Variants in CADM2 observed in about 807,000 individuals in gnomAD.
The protein encoded by CADM2 is immunoglobulin superfamily member 4D.
A neutral mutation model predicts 49.8 loss-of-function variants in CADM2; 12 were observed. The ratio of observed to expected loss-of-function variants is 0.24; its 90% CI spans 0.15 to 0.39. CADM2 has a LOEUF of 0.39. Ranked by LOEUF, CADM2 falls within the 10% of genes least tolerant of loss-of-function variation. The probability of loss-of-function intolerance (pLI) is 1.00; values close to 1 mark genes in which losing one functional copy is unlikely to be tolerated. For missense variants in CADM2, 378 were observed against 492.3 expected (o/e 0.77, Z 2.20); for synonymous variants, 214 against 175.4 (o/e 1.22, Z -1.74).
At chr3:85,221,911 T>C (rs566206312) in intron 1 of CADM2, among the ~76,000 whole-genome samples, 18 of 152,142 alleles carry the variant, frequency 1.2e-4, no homozygotes, top group African/African-American at 4.3e-4. Context: ...TTTGAAATGA[T>C]AAAGAAAGCA....
chr3:85,529,469 A>G (rs1193097427), intron 1 of CADM2, among the ~76,000 whole-genome samples: 1 of 152,192 alleles, frequency 6.6e-6, no homozygotes, highest in Non-Finnish European at 1.5e-5. Context: ...TTCCCAGCAT[A>G]TGAAAGACCT....
At chr3:85,172,941 A>C (rs2040668990) in intron 1 of CADM2, among the ~76,000 whole-genome samples, 1 of 146,916 alleles carries the variant, frequency 6.8e-6, no homozygotes, top group South Asian at 2.1e-4. Context: ...TATATTATAT[A>C]ATATAATACA....
At chr3:86,007,663 G>A (rs1282808766) in intron 8 of CADM2, among the ~76,000 whole-genome samples, 1 of 152,140 alleles carries the variant, frequency 6.6e-6, no homozygotes, top group African/African-American at 2.4e-5. Flanking sequence ...AGAGGATTTG[G>A]CAGATATTAA....
At position 85,241,398 on chromosome 3, in the gene CADM2, G is replaced by A. The variant is rs182521795; in HGVS notation, c.61+281730G>A. ...GAAAGGAATTGCATACAAGGTACGTGTTTTTAAACGAAAACTTGAAATTGA... is the reference window on the plus strand; with the variant it reads ...GAAAGGAATTGCATACAAGGTACGTATTTTTAAACGAAAACTTGAAATTGA... On this transcript the variant is annotated intron_variant, in intron 1 of 9. Transcript: ENST00000383699. 1.8e-3 allele frequency among the ~76,000 whole-genome samples: 274 copies of A among 151,592 alleles called. 1 individual carries two copies. The highest frequency in any genetic ancestry group is 6.3e-3 in the African/African-American group (263 of 41,518).
At chr3:85,736,814 A>G (rs2068158278) in intron 2 of CADM2, among the ~76,000 whole-genome samples, 2 of 152,180 alleles carry the variant, frequency 1.3e-5, no homozygotes, top group South Asian at 2.1e-4. Context: ...AGTAGAGACT[A>G]CTATAGATGA....
intron 1 of CADM2, among the ~76,000 whole-genome samples, chr3:85,581,833 A>T (rs186562178): frequency 6.6e-6 from 1 of 152,178 alleles, no homozygotes; most frequent in Non-Finnish European, 1.5e-5. Context: ...CTTCAAAAAA[A>T]AAAAAGGTGA....
intron 7 of CADM2, among the ~76,000 whole-genome samples, chr3:85,957,526 T>G (rs1282717221): frequency 6.6e-6 from 1 of 151,780 alleles, no homozygotes; most frequent in African/African-American, 2.4e-5. Context: ...ACCACCAAAA[T>G]GTGTGTTACC....
chr3:86,012,548 C>A (rs1731659360), intron 8 of CADM2: 7 of 1,465,492 alleles, frequency 4.8e-6, no homozygotes, highest in Admixed American at 4.3e-5. Context: ...GGCCAGCCAG[C>A]GGGCGGGCGA....
intron 1 of CADM2, among the ~76,000 whole-genome samples, chr3:85,416,508 G>T (rs2107485134): frequency 6.6e-6 from 1 of 152,244 alleles, no homozygotes; most frequent in Non-Finnish European, 1.5e-5. Flanking sequence ...AAGGGCTTTT[G>T]AACTTGCCCT....
At chr3:85,130,457 C>A (rs1276904545) in intron 1 of CADM2, among the ~76,000 whole-genome samples, 1 of 152,046 alleles carries the variant, frequency 6.6e-6, no homozygotes, top group Non-Finnish European at 1.5e-5. Flanking sequence ...ATCTTCTTTG[C>A]AGAATGCCCA....
At chr3:85,418,569 A>C (rs1378943454) in intron 1 of CADM2, among the ~76,000 whole-genome samples, 1 of 152,120 alleles carries the variant, frequency 6.6e-6, no homozygotes, top group Non-Finnish European at 1.5e-5. Flanking sequence ...ATAACTTTTT[A>C]TGTTTCTCTT....
intron 1 of CADM2, among the ~76,000 whole-genome samples, chr3:85,057,381 C>T (rs1290797618): frequency 1.3e-5 from 2 of 151,510 alleles, no homozygotes; most frequent in South Asian, 2.1e-4. Context: ...ATGAAATCTT[C>T]AATTTTACAC....
chr3:85,282,463 G>C (rs565682126), intron 1 of CADM2, among the ~76,000 whole-genome samples: 1 of 148,006 alleles, frequency 6.8e-6, no homozygotes, highest in East Asian at 2.0e-4. Context: ...GTAGAGACAG[G>C]GTTTCACTAT....
intron 3 of CADM2, among the ~76,000 whole-genome samples, chr3:85,818,979 G>A (rs1577390009): frequency 6.6e-6 from 1 of 152,124 alleles, no homozygotes; most frequent in East Asian, 1.9e-4. Flanking sequence ...TCATCTGCAA[G>A]GTGAGGAGCA....
chr3:85,547,833 A>C (rs1439761392), intron 1 of CADM2, among the ~76,000 whole-genome samples: 1 of 151,978 alleles, frequency 6.6e-6, no homozygotes, highest in Non-Finnish European at 1.5e-5. Context: ...CAAAAATCTT[A>C]GCATGGAGAG....
At chr3:85,687,539 T>C (rs1318228303) in intron 1 of CADM2, among the ~76,000 whole-genome samples, 1 of 152,010 alleles carries the variant, frequency 6.6e-6, no homozygotes, top group East Asian at 1.9e-4. Context: ...CAAGAGAAAA[T>C]AAAAGACATT....
intron 1 of CADM2, among the ~76,000 whole-genome samples, chr3:84,964,954 C>G (rs2030861578): frequency 6.6e-6 from 1 of 152,140 alleles, no homozygotes; most frequent in African/African-American, 2.4e-5. Flanking sequence ...TAAAGTATCA[C>G]ATAAATAGTT....
At chr3:85,918,062 A>T (rs1391016015) in intron 6 of CADM2, among the ~76,000 whole-genome samples, 2 of 151,764 alleles carry the variant, frequency 1.3e-5, no homozygotes, top group East Asian at 3.9e-4. Flanking sequence ...GGCTTAGACG[A>T]TGGGGTTTTC....
intron 2 of CADM2, among the ~76,000 whole-genome samples, chr3:85,734,439 T>G (rs1373416450): frequency 6.6e-6 from 1 of 151,800 alleles, no homozygotes; most frequent in Admixed American, 6.6e-5. Context: ...CAGTGTGGTC[T>G]ATTTTGGAGG....
Sources: allele counts gnomAD v4.1 joint callset (sites outside exome capture counted in the v4.1 genomes callset), GRCh38; gene constraint gnomAD v4.1.1; transcripts MANE v1.5; gene names NCBI Gene and HGNC (gene_info 2026-07-23, HGNC 2026-07-21).